Variants in KIF6 observed in about 807,000 individuals in gnomAD.
KIF6 encodes kinesin family member 6, also known as kinesin-like protein KIF6.
A neutral mutation model predicts 112.7 loss-of-function variants in KIF6; 106 were observed. The ratio of observed to expected loss-of-function variants is 0.94; its 90% CI spans 0.80 to 1.11. The LOEUF (loss-of-function observed/expected upper bound fraction) is 1.11, where lower values mean the gene tolerates loss of function less well. Ranked by LOEUF, KIF6 falls within the 50% of genes least tolerant of loss-of-function variation. The pLI, the probability that KIF6 is intolerant of heterozygous loss-of-function variation, is 0.00. For synonymous variants in KIF6, 339 were observed against 339.9 expected, an observed-to-expected ratio of 1.00 and a Z score of 0.03; for missense variants, 929 against 964.0, an observed-to-expected ratio of 0.96 and a Z score of 0.48.
chr6:39,336,466 G>T lies in KIF6; in HGVS notation c.*66C>A. On this transcript the variant is annotated 3_prime_UTR_variant, in exon 23 of 23. Coordinates refer to ENST00000287152, the MANE Select transcript of KIF6 (RefSeq NM_145027.6). ...CACTTCTGAAGCCAGAGCAAGTGAG[G>T]GGCGCTGCCTTCATCTGTGCTTCAT... 1 of 1,493,240 alleles carries T rather than the reference G, an allele frequency of 6.7e-7. No individual in the cohort carries two copies. The highest frequency in any genetic ancestry group is 1.1e-5 in the South Asian group (1 of 88,390). 92.5% of individuals were successfully genotyped at this position (1,493,240 alleles called of 1,614,324 possible).
intron 15 of KIF6, among the ~76,000 whole-genome samples, chr6:39,402,350 G>C (rs1040622792): frequency 4.6e-5 from 7 of 152,270 alleles, no homozygotes; most frequent in African/African-American, 1.7e-4. Context: ...GGGTCTATGG[G>C]CCTGTTTACT....
intron 10 of KIF6, among the ~76,000 whole-genome samples, chr6:39,548,474 G>A (rs1779182339): frequency 1.3e-5 from 2 of 152,228 alleles, no homozygotes; most frequent in Admixed American, 1.3e-4. Context: ...TAAGAATGAA[G>A]ATCAGCCTTT....
At chr6:39,518,912 G>C (rs535639711) in intron 13 of KIF6, among the ~76,000 whole-genome samples, 1 of 152,158 alleles carries the variant, frequency 6.6e-6, no homozygotes, top group African/African-American at 2.4e-5. Context: ...CCCATCATCC[G>C]AAAACTCAGA....
Position 39,359,400 on chromosome 6 carries a change from G to A in KIF6, c.2082+995C>T, listed in dbSNP as rs1187170335. 3.3e-5 allele frequency among the ~76,000 whole-genome samples: 5 copies of A among 152,098 alleles called. No homozygotes were observed. The South Asian group carries it at 8.3e-4, about 25-fold the overall frequency. ...TATGCAAAAAATTATCTGCAAATATGTTTTGAGTAAAAAACTAGAAACAAC... is the reference window on the plus strand; with the variant it reads ...TATGCAAAAAATTATCTGCAAATATATTTTGAGTAAAAAACTAGAAACAAC... On this transcript the variant is annotated intron_variant, in intron 18 of 22. Coordinates refer to ENST00000287152, the MANE Select transcript of KIF6 (RefSeq NM_145027.6).
chr6:39,487,225 A>C (rs1441432169), intron 13 of KIF6, among the ~76,000 whole-genome samples: 1 of 152,210 alleles, frequency 6.6e-6, no homozygotes, highest in Non-Finnish European at 1.5e-5. Flanking sequence ...CTGACAAACT[A>C]TATACTACGT....
chr6:39,464,970 G>A (rs1773703578), intron 13 of KIF6, among the ~76,000 whole-genome samples: 1 of 152,216 alleles, frequency 6.6e-6, no homozygotes, highest in African/African-American at 2.4e-5. Context: ...TTAGCCACTT[G>A]AGCAAACAGT....
At chr6:39,650,737 T>C (rs548941463) in intron 3 of KIF6, among the ~76,000 whole-genome samples, 2 of 152,188 alleles carry the variant, frequency 1.3e-5, no homozygotes, top group African/African-American at 2.4e-5. Context: ...TCATTGTCTA[T>C]AGAAATTTAT....
chr6:39,706,802 C>G (rs1789237825), intron 3 of KIF6, among the ~76,000 whole-genome samples: 1 of 152,144 alleles, frequency 6.6e-6, no homozygotes, highest in South Asian at 2.1e-4. Context: ...AACAAAATGT[C>G]ACTGGTGTTT....
intron 15 of KIF6, among the ~76,000 whole-genome samples, chr6:39,399,644 G>A (rs1053871867): frequency 1.3e-5 from 2 of 152,228 alleles, no homozygotes; most frequent in African/African-American, 4.8e-5. Context: ...TGGAGAAAGT[G>A]AACATACAAA....
At position 39,343,551 on chromosome 6, in the gene KIF6, G is replaced by C. The variant is rs1763466742; in HGVS notation, c.2428+158C>G. ...TGCCCCTTGAGGCTTTCTCGAGAAG[G>C]AATCAGAGGCTGGGCACATGTGACT... On this transcript the variant is annotated intron_variant, in intron 22 of 22. Coordinates refer to ENST00000287152, the MANE Select transcript of KIF6 (RefSeq NM_145027.6). The surrounding 1 kb of genome is among the most constrained non-coding windows in gnomAD (Gnocchi z 4.1). 4 of 1,346,950 alleles carry C rather than the reference G, an allele frequency of 3.0e-6. No individual in the cohort carries two copies. The highest frequency in any genetic ancestry group is 2.3e-4 in the Middle Eastern group (1 of 4,384). The allele number at this position is 1,346,950 out of a possible 1,614,324, so 83.4% of individuals were successfully genotyped here.
intron 3 of KIF6, 105 bp from the exon 4 acceptor site, chr6:39,639,862 C>A: frequency 1.0e-6 from 1 of 972,574 alleles, no homozygotes; most frequent in Non-Finnish European, 1.5e-6. Flanking sequence ...ATTAAAAAAA[C>A]TTTATAGAAA....
intron 13 of KIF6, among the ~76,000 whole-genome samples, chr6:39,478,184 C>T (rs1774556107): frequency 6.6e-6 from 1 of 150,808 alleles, no homozygotes; most frequent in South Asian, 2.1e-4. Context: ...AGTATTTTAT[C>T]TGTTACCCCC....
At chr6:39,447,997 C>T (rs552426040) in intron 13 of KIF6, among the ~76,000 whole-genome samples, 2 of 152,210 alleles carry the variant, frequency 1.3e-5, no homozygotes, top group South Asian at 2.1e-4. Flanking sequence ...GGCAGTGATA[C>T]GTTTCTTCCT....
At chr6:39,467,202 G>C (rs1051985412) in intron 13 of KIF6, among the ~76,000 whole-genome samples, 1 of 152,224 alleles carries the variant, frequency 6.6e-6, no homozygotes, top group African/African-American at 2.4e-5. Context: ...AGCTCCATGA[G>C]AGCAACAAGC....
chr6:39,507,645 T>C (rs1776505387), intron 13 of KIF6, among the ~76,000 whole-genome samples: 1 of 120,276 alleles, frequency 8.3e-6, no homozygotes, highest in Non-Finnish European at 1.7e-5. Context: ...TTCCCCTTCC[T>C]TCCTTCCTTC....
intron 3 of KIF6, among the ~76,000 whole-genome samples, chr6:39,647,284 A>G (rs1445057533): frequency 6.6e-6 from 1 of 152,150 alleles, no homozygotes. Context: ...ATTTAAGAGA[A>G]TAGTAGACTT....
intron 16 of KIF6, among the ~76,000 whole-genome samples, chr6:39,365,483 C>T (rs1390637100): frequency 6.6e-6 from 1 of 152,198 alleles, no homozygotes; most frequent in African/African-American, 2.4e-5. Context: ...TGTGTTCAGA[C>T]TCCATGAGTC....
rs546736117 is a variant in KIF6, at chr6:39,413,592, A to AG, written c.1810+6355dup. 3.1e-4 allele frequency among the ~76,000 whole-genome samples: 47 copies of AG among 152,224 alleles called. No individual in the cohort carries two copies. The Middle Eastern group carries it at 0.01, about 33-fold the overall frequency. ...TGACTTTTGCCAGTGTTGTTGGGCAAGGTCCCTTTCAACGAAGGTACGAAT... is the reference window on the plus strand; with the variant it reads ...TGACTTTTGCCAGTGTTGTTGGGCAAGGGTCCCTTTCAACGAAGGTACGAAT... On this transcript the variant is annotated intron_variant, in intron 15 of 22. Coordinates refer to ENST00000287152, the MANE Select transcript of KIF6 (RefSeq NM_145027.6).
chr6:39,664,913 A>G (rs1359406807), intron 3 of KIF6, among the ~76,000 whole-genome samples: 3 of 152,198 alleles, frequency 2.0e-5, no homozygotes, highest in Non-Finnish European at 2.9e-5. Flanking sequence ...TATTTGAGAA[A>G]CACAAAAACA....
Sources: gnomAD v4.1 joint callset for allele counts (sites outside exome capture counted in the v4.1 genomes callset) on GRCh38, gnomAD v4.1.1 for gene constraint, Gnocchi (gnomAD v3.1) non-coding constraint, MANE v1.5 for transcripts, NCBI Gene and HGNC (gene_info 2026-07-23, HGNC 2026-07-21) for gene names.